TARS1: variants seen among roughly 807,000 people sequenced by gnomAD.
TARS1 encodes the protein threonyl-tRNA synthetase 1.
Under a neutral mutation model 97.7 loss-of-function variants are expected in TARS1, and 57 were observed. That is an observed-to-expected ratio of 0.58 (90% CI 0.47 to 0.73). The LOEUF (loss-of-function observed/expected upper bound fraction) is 0.73, where lower values mean the gene tolerates loss of function less well. TARS1 is among the 30% of genes least tolerant of loss of function. TARS1 has a pLI of 0.00. For synonymous variants in TARS1, 312 were observed against 293.7 expected (o/e 1.06, Z -0.64); for missense variants, 806 against 888.3 (o/e 0.91, Z 1.18).
At chr5:33,457,804 G>A (rs1742101452) in intron 9 of TARS1, among the ~76,000 whole-genome samples, 1 of 152,216 alleles carries the variant, frequency 6.6e-6, no homozygotes, top group African/African-American at 2.4e-5. Flanking sequence ...TGTCGCACAT[G>A]GATCCTGTGC....
intron 4 of TARS1, 119 bp from the exon 5 acceptor site, chr5:33,454,826 A>G (rs1741930605): frequency 7.9e-7 from 1 of 1,267,586 alleles, no homozygotes; most frequent in Non-Finnish European, 1.1e-6. Flanking sequence ...GAAATTTAGG[A>G]TTTTATATAT....
At chr5:33,445,217 T>A (rs961979456) in intron 1 of TARS1, 107 bp from the exon 2 acceptor site, 34 of 837,498 alleles carry the variant, frequency 4.1e-5, no homozygotes, top group African/African-American at 2.1e-4. Flanking sequence ...CCATTTTTTT[T>A]AAATTAAATA....
intron 3 of TARS1, among the ~76,000 whole-genome samples, chr5:33,450,439 A>G (rs1741675117): frequency 6.6e-6 from 1 of 152,230 alleles, no homozygotes; most frequent in Non-Finnish European, 1.5e-5. Flanking sequence ...ACTGTACCAC[A>G]GACATTAGTT....
Position 33,453,431 on chromosome 5 carries a change from T to G in TARS1, c.453+19T>G. 1 of 1,612,646 alleles carries G rather than the reference T, an allele frequency of 6.2e-7. No individual in the cohort carries two copies. Among genetic ancestry groups the G allele is most frequent in the Non-Finnish European group, 8.5e-7 (1 of 1,179,720 alleles). On this transcript the variant is annotated intron_variant, in intron 4 of 18. Transcript: ENST00000265112. ...TCAGGCAGTAAGTTGCTGATTAGTA[T>G]TCATTGAATTTTAGGATGCAGATTC... is the stretch of plus-strand genomic sequence containing the variant.
chr5:33,446,561 A>G (rs1741428846), intron 2 of TARS1: 1 of 577,776 alleles, frequency 1.7e-6, no homozygotes, highest in East Asian at 6.7e-5. Flanking sequence ...GTCTGGAAAA[A>G]AGAGTGTACA....
chr5:33,459,925 C>T, intron 11 of TARS1, 64 bp downstream of exon 11: 1 of 1,540,924 alleles, frequency 6.5e-7, no homozygotes, highest in Non-Finnish European at 8.8e-7. Flanking sequence ...CTGGGTTCTT[C>T]CCTCCTTTAA....
At position 33,455,061 on chromosome 5, in the gene TARS1, A is replaced by G. The variant is rs762312151; in HGVS notation, c.570A>G (p.Glu190=). The G allele has an allele frequency of 5.6e-6, 9 of 1,613,590 alleles. No homozygotes were observed. The East Asian group carries it at 2.0e-4, about 36-fold the overall frequency. ...ENGFYYDMYL[E]EGGVSSNDFS... is the part of the protein sequence containing the mutation. ...GATTCTATTATGACATGTACCTCGA[A>G]GAAGGGTAAGCCATCAACTAGATAA... The change falls in exon 5 of 19, where the codon GAA becomes GAG. Residue 190 remains glutamate, a synonymous_variant. Transcript: ENST00000265112.
Position 33,458,522 on chromosome 5 carries a change from A to G in TARS1, c.985-44A>G, listed in dbSNP as rs374642996. ...AATTTATGTATATATACACACACGT[A>G]TACGTGACGTACATAAACATTCTTT... On this transcript the variant is annotated intron_variant, in intron 9 of 18. Transcript: ENST00000265112. 1.2e-5 allele frequency: 18 copies of G among 1,528,870 alleles called. No individual in the cohort carries two copies. The African/African-American group carries it at 2.2e-4, about 19-fold the overall frequency. The allele number at this position is 1,528,870 out of a possible 1,614,324, so 94.7% of individuals were successfully genotyped here. A position where few individuals can be genotyped will look rare whatever the true frequency, so the allele number is the denominator to read the frequency against.
intron 17 of TARS1, among the ~76,000 whole-genome samples, chr5:33,464,447 A>G (rs916692069): frequency 6.6e-6 from 1 of 152,226 alleles, no homozygotes; most frequent in Admixed American, 6.5e-5. Context: ...TAACTTACCA[A>G]CAAATGTATA....
chr5:33,455,889 T>A, intron 6 of TARS1, 113 bp from the exon 7 acceptor site: 2 of 1,035,514 alleles, frequency 1.9e-6, no homozygotes, highest in Non-Finnish European at 2.8e-6. Context: ...AACATGTTTT[T>A]AAAACATGAA....
chr5:33,450,960 C>G (rs1741703004), intron 3 of TARS1, among the ~76,000 whole-genome samples: 2 of 152,084 alleles, frequency 1.3e-5, no homozygotes, highest in Admixed American at 6.5e-5. Flanking sequence ...ACTAAAAATA[C>G]AAAAATTAGC....
chr5:33,461,060 A>C lies in TARS1; in HGVS notation c.1409A>C (p.Glu470Ala), dbSNP rs1742267693. 6.2e-7 allele frequency: 1 copy of C among 1,613,982 alleles called. No homozygotes were observed. Among genetic ancestry groups the C allele is most frequent in the Admixed American group, 1.7e-5 (1 of 59,976 alleles). The change falls in exon 12 of 19, where the codon GAG becomes GCG. Residue 470 changes from glutamate to alanine, a missense_variant. By Grantham distance (107) the Glu-to-Ala change is moderately radical (BLOSUM62 -1). Around this residue, in one of 3 missense-constraint regions of TARS1, gnomAD observed 446 missense variants for 511.0 expected, o/e 0.87. Coordinates refer to ENST00000265112, the MANE Select transcript of TARS1 (RefSeq NM_152295.5). ...QDDAHIFCAM[E>A]QIEDEIKGCL... ...GATGCTCACATATTCTGTGCCATGG[A>C]GCAGGTATGAGACCCTGGGAATAAA...
chr5:33,457,054 T>C (rs1232370307), intron 8 of TARS1, among the ~76,000 whole-genome samples: 1 of 152,140 alleles, frequency 6.6e-6, no homozygotes, highest in African/African-American at 2.4e-5. Flanking sequence ...TTGCCTCGGC[T>C]TCACAGAGTG....
At chr5:33,442,845 A>G (rs940658373) in intron 1 of TARS1, among the ~76,000 whole-genome samples, 1 of 152,088 alleles carries the variant, frequency 6.6e-6, no homozygotes, top group Non-Finnish European at 1.5e-5. Flanking sequence ...GGGTTCTGTT[A>G]TTATCTCCAT....
chr5:33,464,612 A>T (rs563972517), intron 17 of TARS1, among the ~76,000 whole-genome samples: 6 of 152,190 alleles, frequency 3.9e-5, no homozygotes, highest in Non-Finnish European at 8.8e-5. Flanking sequence ...TCAGTTCTTA[A>T]TTACCCTTAA....
intron 9 of TARS1, among the ~76,000 whole-genome samples, chr5:33,457,797 C>T (rs1695508728): frequency 1.3e-5 from 2 of 152,224 alleles, no homozygotes; most frequent in Non-Finnish European, 1.5e-5. Flanking sequence ...AGCAGCATGT[C>T]GCACATGGAT....
intron 8 of TARS1, 87 bp downstream of exon 8, chr5:33,456,314 T>C: frequency 9.4e-7 from 1 of 1,066,854 alleles, no homozygotes; most frequent in Non-Finnish European, 1.4e-6. Context: ...TTTACCATTT[T>C]CTGTTGCACA....
chr5:33,463,925 A>T, intron 17 of TARS1, 100 bp downstream of exon 17: 2 of 1,017,586 alleles, frequency 2.0e-6, no homozygotes, highest in East Asian at 2.6e-5. Context: ...CTGTTGTGAT[A>T]AAGAGAAATG....
At position 33,442,562 on chromosome 5, in the gene TARS1, G is replaced by C. The variant is rs147707605; in HGVS notation, c.57+1419G>C. ...TCAGTCTTCTTTTTTTTGAGACGGA[G>C]TCTCGCTCTGTCACTCAGGCTGGAG... On this transcript the variant is annotated intron_variant, in intron 1 of 18. Coordinates refer to ENST00000265112, the MANE Select transcript of TARS1 (RefSeq NM_152295.5). 3.0e-3 allele frequency among the ~76,000 whole-genome samples: 457 copies of C among 152,088 alleles called. 3 individuals carry two copies. Among genetic ancestry groups the C allele is most frequent in the African/African-American group, 0.011 (439 of 41,494 alleles).
Sources: allele counts gnomAD v4.1 joint callset (sites outside exome capture counted in the v4.1 genomes callset), GRCh38; gene constraint gnomAD v4.1.1; regional missense constraint gnomAD v4.1.1; transcripts MANE v1.5; gene names NCBI Gene and HGNC (gene_info 2026-07-23, HGNC 2026-07-21).